The following SHLD1 variants were observed in gnomAD, a reference collection of about 807,000 sequenced individuals.
SHLD1 encodes shieldin complex subunit 1, also known as RINN1-REV7-interacting novel NHEJ regulator 3.
SHLD1 carries 3 observed loss-of-function variants against 5.5 expected under a neutral mutation model. The observed-to-expected ratio is 0.54, with a 90% confidence interval of 0.25 to 1.40. SHLD1 has a LOEUF of 1.40. Ranked by LOEUF, SHLD1 falls within the 40% of genes most tolerant of loss-of-function variation. The pLI is 0.15. For synonymous variants in SHLD1, 92 were observed against 94.3 expected, an observed-to-expected ratio of 0.98 and a Z score of 0.14; for missense variants, 210 against 244.4, an observed-to-expected ratio of 0.86 and a Z score of 0.94.
At chr20:5,838,984 A>G (rs1448260162) in intron 2 of SHLD1, among the ~76,000 whole-genome samples, 1 of 152,212 alleles carries the variant, frequency 6.6e-6, no homozygotes, top group Admixed American at 6.5e-5. Context: ...GCTGGAAGTC[A>G]TGCTGAAGAT....
intron 2 of SHLD1, among the ~76,000 whole-genome samples, chr20:5,804,125 A>G (rs1445788459): frequency 2.0e-5 from 3 of 151,722 alleles, no homozygotes; most frequent in African/African-American, 7.3e-5. Flanking sequence ...AGCCTGGCCA[A>G]CATAACAAAA....
At chr20:5,805,164 C>T (rs1049549560) in intron 2 of SHLD1, among the ~76,000 whole-genome samples, 1 of 152,136 alleles carries the variant, frequency 6.6e-6, no homozygotes, top group African/African-American at 2.4e-5. Flanking sequence ...TCCTTTGCTG[C>T]TGTTGTTTTT....
At chr20:5,779,995 T>G (rs1427664177) in intron 2 of SHLD1, among the ~76,000 whole-genome samples, 6 of 145,880 alleles carry the variant, frequency 4.1e-5, no homozygotes, top group Non-Finnish European at 9.0e-5. Flanking sequence ...TTTTTTTTTT[T>G]GGAGACAGAG....
chr20:5,753,380 G>T (rs1568484244), intron 1 of SHLD1, among the ~76,000 whole-genome samples: 1 of 152,042 alleles, frequency 6.6e-6, no homozygotes, highest in African/African-American at 2.4e-5. Context: ...GGTCTCAAAG[G>T]ATCCTCCCAC....
At position 5,854,872 on chromosome 20, in the gene SHLD1, C is replaced by CTTTTTTTTTT. The variant is rs55776293; in HGVS notation, c.179-8149_179-8140dup. ...CATTCTGTTTTCTGTCTCTATGACT[C>CTTTTTTTTTT]TTTTTTTTTTTTAAGAGACAGGTCT... is the stretch of plus-strand genomic sequence containing the variant. On this transcript the variant is annotated intron_variant, in intron 2 of 2. Transcript: ENST00000303142. Among the ~76,000 whole-genome samples the CTTTTTTTTTT allele has an allele frequency of 1.5e-3, 189 of 130,036 alleles. 4 individuals carry two copies. The highest frequency in any genetic ancestry group is 5.3e-3 in the African/African-American group (163 of 30,694). The allele number at this position is 130,036 out of a possible 152,430, so 85.3% of individuals were successfully genotyped here. A position where few individuals can be genotyped will look rare whatever the true frequency, so the allele number is the denominator to read the frequency against.
intron 2 of SHLD1, among the ~76,000 whole-genome samples, chr20:5,862,585 G>T (rs2088177728): frequency 2.0e-5 from 3 of 152,192 alleles, no homozygotes; most frequent in African/African-American, 4.8e-5. Flanking sequence ...TTGGGGGTGG[G>T]TACTACAGTC....
intron 1 of SHLD1, among the ~76,000 whole-genome samples, chr20:5,753,649 T>G (rs909177472): frequency 6.6e-6 from 1 of 152,194 alleles, no homozygotes; most frequent in African/African-American, 2.4e-5. Context: ...CCTCTTCCCT[T>G]TACTTTGTCG....
chr20:5,779,392 A>G (rs6133261), intron 2 of SHLD1, among the ~76,000 whole-genome samples: 37,231 of 151,946 alleles, frequency 0.25, 4,752 homozygotes, highest in Middle Eastern at 0.33. Context: ...TTTTTCATTT[A>G]TAAGTTGAGT....
intron 2 of SHLD1, among the ~76,000 whole-genome samples, chr20:5,841,991 A>G (rs997612368): frequency 2.0e-5 from 3 of 152,240 alleles, no homozygotes; most frequent in African/African-American, 7.2e-5. Context: ...CAAAACATTA[A>G]TAGCCTTTAC....
chr20:5,805,288 G>C (rs763913429), intron 2 of SHLD1, among the ~76,000 whole-genome samples: 1 of 152,074 alleles, frequency 6.6e-6, no homozygotes, highest in African/African-American at 2.4e-5. Context: ...CTCCCAAGTA[G>C]CTGGGATTAC....
chr20:5,793,449 G>A (rs950125625), intron 2 of SHLD1, among the ~76,000 whole-genome samples: 12 of 151,842 alleles, frequency 7.9e-5, no homozygotes, highest in Non-Finnish European at 1.3e-4. Flanking sequence ...CACGTTGTGG[G>A]TTTTTTTTGA....
chr20:5,755,498 C>T (rs1374908039), intron 1 of SHLD1, among the ~76,000 whole-genome samples: 1 of 152,152 alleles, frequency 6.6e-6, no homozygotes, highest in Non-Finnish European at 1.5e-5. Context: ...TTCCATGAAA[C>T]TGGTCCCTGG....
chr20:5,816,212 AT>A (rs1427734328), intron 2 of SHLD1, among the ~76,000 whole-genome samples: 18 of 151,654 alleles, frequency 1.2e-4, no homozygotes, highest in African/African-American at 4.4e-4. Flanking sequence ...TCAACTCTAT[AT>A]TTTTTAAAAA....
chr20:5,836,055 TTCTG>T (rs796845661), intron 2 of SHLD1, among the ~76,000 whole-genome samples: 26 of 152,276 alleles, frequency 1.7e-4, no homozygotes, highest in African/African-American at 4.1e-4. Context: ...AGAAACTATT[TTCTG>T]TCTATTTTTT....
intron 2 of SHLD1, among the ~76,000 whole-genome samples, chr20:5,788,180 A>G (rs914557434): frequency 2.3e-4 from 35 of 152,304 alleles, no homozygotes; most frequent in African/African-American, 7.9e-4. Context: ...CCATATTTTA[A>G]GTATGTGAGG....
At chr20:5,785,154 C>T (rs569714916) in intron 2 of SHLD1, among the ~76,000 whole-genome samples, 2 of 152,298 alleles carry the variant, frequency 1.3e-5, no homozygotes, top group South Asian at 2.1e-4. Flanking sequence ...AAACAGACAC[C>T]GTCACTAGTT....
At chr20:5,842,432 C>G (rs767014476) in intron 2 of SHLD1, among the ~76,000 whole-genome samples, 1 of 152,194 alleles carries the variant, frequency 6.6e-6, no homozygotes, top group Non-Finnish European at 1.5e-5. Flanking sequence ...ATTGCCTGCA[C>G]GTCCCTAAGT....
At chr20:5,780,888 A>G (rs963525258) in intron 2 of SHLD1, among the ~76,000 whole-genome samples, 3 of 152,158 alleles carry the variant, frequency 2.0e-5, no homozygotes, top group Non-Finnish European at 4.4e-5. Context: ...TCCTTTTGCT[A>G]TGTGCCCAAC....
intron 2 of SHLD1, among the ~76,000 whole-genome samples, chr20:5,792,679 T>TAAA (rs57720731): frequency 5.6e-5 from 8 of 143,012 alleles, no homozygotes; most frequent in African/African-American, 7.8e-5. Flanking sequence ...TTCTTTTTTT[T>TAAA]AAAAAAAAAA....
Sources: allele counts gnomAD v4.1 joint callset (sites outside exome capture counted in the v4.1 genomes callset), GRCh38; gene constraint gnomAD v4.1.1; transcripts MANE v1.5; gene names NCBI Gene and HGNC (gene_info 2026-07-23, HGNC 2026-07-21).